Variants in PCDHGA6 observed in about 807,000 individuals in gnomAD.
PCDHGA6 encodes the protein protocadherin gamma-A6.
Under a neutral mutation model 60.6 loss-of-function variants are expected in PCDHGA6, and 41 were observed. The ratio of observed to expected loss-of-function variants is 0.68; its 90% CI spans 0.53 to 0.88. PCDHGA6 has a LOEUF of 0.88. Among genes scored for constraint, PCDHGA6 ranks in the 40% least tolerant of loss-of-function variants. The pLI, the probability that PCDHGA6 is intolerant of heterozygous loss-of-function variation, is 0.00. For missense variants in PCDHGA6, 1,312 were observed against 1,203.0 expected (o/e 1.09, Z -1.34); for synonymous variants, 594 against 524.4 (o/e 1.13, Z -1.81).
chr5:141,374,885 G>A lies in PCDHGA6; in HGVS notation c.802G>A (p.Asp268Asn), dbSNP rs753304716. The A allele has an allele frequency of 9.3e-6, 15 of 1,613,516 alleles. No homozygotes were observed. The highest frequency in any genetic ancestry group is 1.1e-5 in the South Asian group (1 of 91,064). ...ACCAGTGTTGGCAGTGACTGCCACC[G>A]ACCAGGATGAAGGAGTCCACGGGGA... is the stretch of plus-strand genomic sequence containing the variant. ...GTPVLAVTAT[D>N]QDEGVHGEVT... Residue 268 changes from aspartate to asparagine, a missense_variant, in exon 1 of 4, where the codon GAC (aspartate) becomes AAC (asparagine). Physicochemically the swap from Asp to Asn is conservative, Grantham distance 23. Coordinates refer to ENST00000517434, the MANE Select transcript of PCDHGA6 (RefSeq NM_018919.3).
intron 1 of PCDHGA6, among the ~76,000 whole-genome samples, chr5:141,443,690 A>C (rs2098399415): frequency 6.6e-6 from 1 of 152,224 alleles, no homozygotes; most frequent in Non-Finnish European, 1.5e-5. Flanking sequence ...AACACTTCAA[A>C]AATTATAGAA....
At chr5:141,465,184 A>G (rs866520508) in intron 1 of PCDHGA6, among the ~76,000 whole-genome samples, 2 of 152,130 alleles carry the variant, frequency 1.3e-5, no homozygotes, top group Admixed American at 6.5e-5. Flanking sequence ...ATTTAATTAA[A>G]AGATAAAAAT....
intron 1 of PCDHGA6, chr5:141,390,115 G>A: frequency 1.2e-6 from 2 of 1,614,036 alleles, no homozygotes; most frequent in Non-Finnish European, 1.7e-6. Flanking sequence ...TACAGCGAGG[G>A]GACTTTGCCT....
intron 1 of PCDHGA6, among the ~76,000 whole-genome samples, chr5:141,457,836 C>T (rs1418402508): frequency 6.6e-6 from 1 of 152,202 alleles, no homozygotes; most frequent in African/African-American, 2.4e-5. Context: ...GCTTCCAGAC[C>T]TGTTAGAAAG....
rs1246750536 is a variant in PCDHGA6 at position 141,386,428 on chromosome 5, C to T, written c.2424+9921C>T. On this transcript the variant is annotated intron_variant, in intron 1 of 3. Coordinates refer to ENST00000517434, the MANE Select transcript of PCDHGA6 (RefSeq NM_018919.3). ...TATGGTGTTGCAAGCTGTAGCCCAC[C>T]TGCATGGGAGGCTGAGGCAAGAGGA... Among the ~76,000 whole-genome samples the T allele has an allele frequency of 3.3e-5, 5 of 152,036 alleles. No individual in the cohort carries two copies. In the South Asian group the frequency reaches 6.2e-4, roughly 19 times the overall value.
intron 1 of PCDHGA6, chr5:141,384,281 T>C (rs766739394): frequency 9.9e-6 from 16 of 1,613,774 alleles, no homozygotes; most frequent in Admixed American, 6.7e-5. Flanking sequence ...TCAGTCTACA[T>C]CGCTGAGAAC....
chr5:141,398,654 C>G, intron 1 of PCDHGA6: 1 of 1,613,998 alleles, frequency 6.2e-7, no homozygotes, highest in South Asian at 1.1e-5. Context: ...TCTCTTAACC[C>G]AAGTTTCTCA....
intron 3 of PCDHGA6, among the ~76,000 whole-genome samples, chr5:141,505,766 C>T (rs1420683619): frequency 2.0e-5 from 3 of 151,768 alleles, no homozygotes; most frequent in African/African-American, 4.8e-5. Context: ...CAGTGTAGCT[C>T]AGGTCCTAGC....
At chr5:141,434,875 A>G (rs2097725018) in intron 1 of PCDHGA6, among the ~76,000 whole-genome samples, 1 of 151,990 alleles carries the variant, frequency 6.6e-6, no homozygotes, top group African/African-American at 2.4e-5. Flanking sequence ...TGTGACAGAT[A>G]CCAACAACAA....
rs1561863583 is a variant in PCDHGA6, at chr5:141,432,685, C to A, written c.2424+56178C>A. Reference sequence around the variant, plus strand: ...ACAGAGACGCGCTCAAGCAGAGCCTCGTAGTGGCCGTCCAGGACCACGGCC... The same window carrying A: ...ACAGAGACGCGCTCAAGCAGAGCCTAGTAGTGGCCGTCCAGGACCACGGCC... On this transcript the variant is annotated intron_variant, in intron 1 of 3. Transcript: ENST00000517434. The surrounding 1 kb of genome is among the most constrained non-coding windows in gnomAD (Gnocchi z 6.0). 3.7e-6 allele frequency: 6 copies of A among 1,613,932 alleles called. No individual in the cohort carries two copies. Among genetic ancestry groups the A allele is most frequent in the Non-Finnish European group, 5.1e-6 (6 of 1,179,966 alleles).
rs1252377833 is a variant in PCDHGA6, at chr5:141,485,012, G to T, written c.2425-9795G>T. On this transcript the variant is annotated intron_variant, in intron 1 of 3. Coordinates refer to ENST00000517434, the MANE Select transcript of PCDHGA6 (RefSeq NM_018919.3). The surrounding 1 kb of genome is among the most constrained non-coding windows in gnomAD (Gnocchi z 5.7). Reference sequence around the variant, plus strand: ...GGTGAAAGGCAGACAAATCTACCCCGCCACCAGCAAAAACGGCGCGTAACC... The same window carrying T: ...GGTGAAAGGCAGACAAATCTACCCCTCCACCAGCAAAAACGGCGCGTAACC... The T allele has an allele frequency of 1.3e-5, 8 of 630,528 alleles. No individual in the cohort carries two copies. In the Admixed American group the frequency reaches 1.5e-4, roughly 12 times the overall value. 39.1% of individuals were successfully genotyped at this position (630,528 alleles called of 1,614,324 possible).
In PCDHGA6 at chr5:141,490,052, A is replaced by G. The variant is rs774710472; in HGVS notation, c.2425-4755A>G. 11 of 1,614,098 alleles carry G rather than the reference A, an allele frequency of 6.8e-6. No homozygotes were observed. The highest frequency in any genetic ancestry group is 9.3e-6 in the Non-Finnish European group (11 of 1,180,014). On this transcript the variant is annotated intron_variant, in intron 1 of 3. Transcript: ENST00000517434. The surrounding 1 kb of genome is among the most constrained non-coding windows in gnomAD (Gnocchi z 5.4). ...CGCCTCAATGCCACTGATCCAGACG[A>G]GGGCACCAACGGCCAACTAGACTAT... is the stretch of plus-strand genomic sequence containing the variant.
Position 141,375,200 on chromosome 5 carries a change from G to A in PCDHGA6, c.1117G>A (p.Asp373Asn), listed in dbSNP as rs755732164. 1.9e-6 allele frequency: 3 copies of A among 1,613,940 alleles called. No individual in the cohort carries two copies. Among genetic ancestry groups the A allele is most frequent in the South Asian group, 1.1e-5 (1 of 91,062 alleles). The change falls in exon 1 of 4, where the codon GAT (aspartate) becomes AAT (asparagine). Residue 373 changes from aspartate to asparagine, a missense_variant. Physicochemically the swap from Asp to Asn is conservative, Grantham distance 23. Coordinates refer to ENST00000517434, the MANE Select transcript of PCDHGA6 (RefSeq NM_018919.3). Reference sequence around the variant, plus strand: ...AGTAATCGCCCTTTTTCAAGTGTTCGATCGAGACTCTGGCCTGAATGGCCT... The same window carrying A: ...AGTAATCGCCCTTTTTCAAGTGTTCAATCGAGACTCTGGCCTGAATGGCCT... The part of the protein sequence containing the change: ...GTVIALFQVF[D>N]RDSGLNGLVT...
Position 141,491,536 on chromosome 5 carries a change from C to T in PCDHGA6, c.2425-3271C>T, listed in dbSNP as rs746800813. 1.2e-6 allele frequency: 2 copies of T among 1,614,006 alleles called. No individual in the cohort carries two copies. Among genetic ancestry groups the T allele is most frequent in the Admixed American group, 3.3e-5 (2 of 60,030 alleles). On this transcript the variant is annotated intron_variant, in intron 1 of 3. Coordinates refer to ENST00000517434, the MANE Select transcript of PCDHGA6 (RefSeq NM_018919.3). This position sits in a 1 kb window ranked among gnomAD's most constrained non-coding sequence, Gnocchi z 6.9. ...CAAGTACATGGAGGTGACGCTGCGG[C>T]CCACAGACTCGCAGAGCCACTGCTA...
chr5:141,414,710 A>C (rs1253697066), intron 1 of PCDHGA6: 4 of 1,613,836 alleles, frequency 2.5e-6, no homozygotes, highest in African/African-American at 1.3e-5. Flanking sequence ...ATATCCATCA[A>C]CTCAGACACT....
Position 141,486,000 on chromosome 5 carries a change from A to G in PCDHGA6, c.2425-8807A>G. 1 of 1,614,194 alleles carries G rather than the reference A, an allele frequency of 6.2e-7. No individual in the cohort carries two copies. Among genetic ancestry groups the G allele is most frequent in the Non-Finnish European group, 8.5e-7 (1 of 1,180,034 alleles). On this transcript the variant is annotated intron_variant, in intron 1 of 3. Transcript: ENST00000517434. The surrounding 1 kb of genome is among the most constrained non-coding windows in gnomAD (Gnocchi z 5.7). ...GACCCGGACCTGGGTCCCAGTGGTA[A>G]CGTCACCTTTTATTTCAGTGGTCAT...
At chr5:141,414,042 T>A (rs758538745) in intron 1 of PCDHGA6, 1 of 1,611,324 alleles carries the variant, frequency 6.2e-7, no homozygotes, top group South Asian at 1.1e-5. Flanking sequence ...GAAAATTACC[T>A]GACACGCAAT....
In PCDHGA6 at chr5:141,432,690, T is replaced by A. The variant is rs764124373; in HGVS notation, c.2424+56183T>A. 5.0e-6 allele frequency: 8 copies of A among 1,613,854 alleles called. No individual in the cohort carries two copies. The highest frequency in any genetic ancestry group is 2.7e-5 in the African/African-American group (2 of 74,940). ...GACGCGCTCAAGCAGAGCCTCGTAGTGGCCGTCCAGGACCACGGCCAGCCC... is the reference window on the plus strand; with the variant it reads ...GACGCGCTCAAGCAGAGCCTCGTAGAGGCCGTCCAGGACCACGGCCAGCCC... On this transcript the variant is annotated intron_variant, in intron 1 of 3. Coordinates refer to ENST00000517434, the MANE Select transcript of PCDHGA6 (RefSeq NM_018919.3). This position sits in a 1 kb window ranked among gnomAD's most constrained non-coding sequence, Gnocchi z 6.0.
intron 1 of PCDHGA6, chr5:141,393,423 G>A: frequency 1.2e-6 from 2 of 1,614,040 alleles, no homozygotes; most frequent in South Asian, 2.2e-5. Flanking sequence ...GGACAGGGAG[G>A]AAGAGGCTGC....
Sources: allele counts gnomAD v4.1 joint callset (sites outside exome capture counted in the v4.1 genomes callset), GRCh38; gene constraint gnomAD v4.1.1; non-coding constraint Gnocchi (gnomAD v3.1); transcripts MANE v1.5; gene names NCBI Gene and HGNC (gene_info 2026-07-23, HGNC 2026-07-21).